The following FMO5 variants were observed in gnomAD, a reference collection of about 807,000 sequenced individuals.
FMO5 encodes flavin-containing monooxygenase 5.
Under a neutral mutation model 43.6 loss-of-function variants are expected in FMO5, and 51 were observed. That is an observed-to-expected ratio of 1.17 (90% CI 0.93 to 1.48). The LOEUF (loss-of-function observed/expected upper bound fraction) is 1.48, where lower values mean the gene tolerates loss of function less well. Among genes scored for constraint, FMO5 ranks in the 40% most tolerant of loss-of-function variants. FMO5 has a pLI of 0.00. For synonymous variants in FMO5, 187 were observed against 216.5 expected (o/e 0.86, Z 1.20); for missense variants, 644 against 643.0 (o/e 1.00, Z -0.02).
chr1:147,186,759 AG>A lies in FMO5; in HGVS notation c.*140del. ...GAAAACAGGTTTCATTGTAGGAAAA[AG>A]GAAAGTGAATTAATGCTTTCGAAAG... On this transcript the variant is annotated 3_prime_UTR_variant, in exon 9 of 9. Coordinates refer to ENST00000254090, the MANE Select transcript of FMO5 (RefSeq NM_001461.4). 3.4e-6 allele frequency: 5 copies of A among 1,449,518 alleles called. No homozygotes were observed. The highest frequency in any genetic ancestry group is 4.5e-6 in the Non-Finnish European group (5 of 1,107,294). 89.8% of individuals were successfully genotyped at this position (1,449,518 alleles called of 1,614,324 possible). A position where few individuals can be genotyped will look rare whatever the true frequency, so the allele number is the denominator to read the frequency against.
At chr1:147,189,566 C>T (rs1656297499) in intron 8 of FMO5, among the ~76,000 whole-genome samples, 1 of 152,136 alleles carries the variant, frequency 6.6e-6, no homozygotes, top group African/African-American at 2.4e-5. Context: ...GACTTACCAT[C>T]AATTTCCACT....
In FMO5 at chr1:147,224,999, C is replaced by T. The variant is rs1553927287; in HGVS notation, c.31G>A (p.Gly11Arg). 4 of 1,613,928 alleles carry T rather than the reference C, an allele frequency of 2.5e-6. No individual in the cohort carries two copies. The highest frequency in any genetic ancestry group is 2.2e-5 in the East Asian group (1 of 44,868). Residue 11 changes from glycine to arginine, a missense_variant, in exon 2 of 9, where the codon GGA (glycine) becomes AGA (arginine). Coordinates refer to ENST00000254090, the MANE Select transcript of FMO5 (RefSeq NM_001461.4). Reference protein sequence around the residue: MTKKRIAVIGGGVSGLSSIKC... With the variant: MTKKRIAVIGRGVSGLSSIKC... ...ATGGAAGAGAGCCCGCTCACTCCTC[C>T]CCCAATCACAGCAATTCTTTTCTTA...
rs1658892518 is a variant in FMO5, at chr1:147,201,150, A to G, written c.1183+2T>C. On this transcript the variant is annotated splice_donor_variant, in intron 7 of 8. Coordinates refer to ENST00000254090, the MANE Select transcript of FMO5 (RefSeq NM_001461.4). LOFTEE classifies it high-confidence loss of function. ...AAGTAGTCTATTTGCATGGTCACTT[A>G]CCTTTAAATACCTGAGTGGCCCAGC... The G allele has an allele frequency of 4.4e-6, 7 of 1,601,408 alleles. No homozygotes were observed. In the South Asian group the frequency reaches 6.7e-5, roughly 15 times the overall value.
intron 6 of FMO5, among the ~76,000 whole-genome samples, chr1:147,205,850 G>T (rs1219192622): frequency 3.9e-5 from 6 of 152,048 alleles, no homozygotes; most frequent in Non-Finnish European, 5.9e-5. Flanking sequence ...CAGGACATAG[G>T]CATGGGCAAG....
At chr1:147,208,444 C>CTTTTTTTTTTTTTTTTTTTTT (rs11374254) in intron 6 of FMO5, 1 of 145,584 alleles carries the variant, frequency 6.9e-6, no homozygotes, top group African/African-American at 2.5e-5. Flanking sequence ...CTTTTCTTTT[C>CTTTTTTTTTTTTTTTTTTTTT]TTTTTTTTTT....
intron 7 of FMO5, among the ~76,000 whole-genome samples, chr1:147,195,505 T>C (rs1553919622): frequency 6.6e-6 from 1 of 152,124 alleles, no homozygotes. Flanking sequence ...ACATGTTTCT[T>C]TGATAAGAGT....
intron 8 of FMO5, among the ~76,000 whole-genome samples, chr1:147,188,465 G>C (rs956096330): frequency 7.1e-6 from 1 of 140,928 alleles, no homozygotes; most frequent in African/African-American, 2.7e-5. Flanking sequence ...GGAGGTTGCA[G>C]TGAGCCAAGA....
intron 7 of FMO5, among the ~76,000 whole-genome samples, chr1:147,195,355 A>C (rs1305228389): frequency 2.6e-5 from 4 of 151,884 alleles, no homozygotes; most frequent in Non-Finnish European, 5.9e-5. Context: ...CTGGTCTCGA[A>C]CTCCTGACCT....
chr1:147,188,102 G>C (rs1655951923), intron 8 of FMO5, among the ~76,000 whole-genome samples: 1 of 152,126 alleles, frequency 6.6e-6, no homozygotes, highest in Non-Finnish European at 1.5e-5. Context: ...ATTGAAATGG[G>C]ACTAGATTTA....
upstream of FMO5, among the ~76,000 whole-genome samples, chr1:147,227,192 C>A (rs1664037975): frequency 2.0e-5 from 3 of 152,238 alleles, no homozygotes. Context: ...TGAATTTATA[C>A]TAAAATAGTA....
At chr1:147,198,633 G>A (rs587603259) in intron 7 of FMO5, among the ~76,000 whole-genome samples, 6 of 151,968 alleles carry the variant, frequency 3.9e-5, no homozygotes, top group South Asian at 4.2e-4. Flanking sequence ...GGCGGATCAC[G>A]AGGTCAAGAG....
rs587666704 is a variant in FMO5, at chr1:147,204,608, C to T, written c.831-3104G>A. 2.8e-5 allele frequency: 45 copies of T among 1,592,252 alleles called. No individual in the cohort carries two copies. In the East Asian group the frequency reaches 7.1e-4, roughly 25 times the overall value. On this transcript the variant is annotated intron_variant, in intron 6 of 8. Transcript: ENST00000254090. ...TCTTCAGCTAATTCCAGGAGAGCTC[C>T]GGCAAATACCAGAACAATGTTTGTG...
intron 7 of FMO5, among the ~76,000 whole-genome samples, chr1:147,198,734 C>T (rs1488448708): frequency 6.6e-6 from 1 of 151,612 alleles, no homozygotes; most frequent in Non-Finnish European, 1.5e-5. Flanking sequence ...GCCTGTAGTC[C>T]CAGCTACTGG....
chr1:147,190,672 A>G (rs1656550394), intron 7 of FMO5, among the ~76,000 whole-genome samples: 1 of 151,720 alleles, frequency 6.6e-6, no homozygotes, highest in African/African-American at 2.4e-5. Context: ...AGAATGAAGT[A>G]AAAATAAATT....
At chr1:147,203,833 C>T (rs1358009487) in intron 6 of FMO5, 5 of 1,565,792 alleles carry the variant, frequency 3.2e-6, no homozygotes, top group East Asian at 4.5e-5. Context: ...TGCCATCTTC[C>T]TTTTCATGCT....
intron 7 of FMO5, 35 bp from the exon 8 acceptor site, chr1:147,190,284 T>C (rs782726264): frequency 1.1e-5 from 14 of 1,272,676 alleles, no homozygotes; most frequent in Non-Finnish European, 1.5e-5. Flanking sequence ...ACTGTAAAAT[T>C]ACCTCAGAAG....
chr1:147,196,833 C>A (rs1658101553), intron 7 of FMO5, among the ~76,000 whole-genome samples: 5 of 152,144 alleles, frequency 3.3e-5, no homozygotes. Flanking sequence ...AACATGCTTT[C>A]TGTCACCAAA....
chr1:147,195,455 T>C (rs1657815154), intron 7 of FMO5, among the ~76,000 whole-genome samples: 1 of 152,138 alleles, frequency 6.6e-6, no homozygotes, highest in African/African-American at 2.4e-5. Context: ...AATCACATTT[T>C]ATGCCTAAAG....
intron 5 of FMO5, 47 bp from the exon 6 acceptor site, chr1:147,209,098 A>G (rs1553923182): frequency 6.5e-7 from 1 of 1,537,252 alleles, no homozygotes; most frequent in Admixed American, 1.7e-5. Context: ...AGATTCGTAA[A>G]CCTTCAAAAG....
Sources: allele counts gnomAD v4.1 joint callset (sites outside exome capture counted in the v4.1 genomes callset), GRCh38; gene constraint gnomAD v4.1.1; transcripts MANE v1.5; gene names NCBI Gene and HGNC (gene_info 2026-07-23, HGNC 2026-07-21).